The following GRB2 variants were observed in gnomAD, a reference collection of about 807,000 sequenced individuals.
GRB2 encodes growth factor receptor bound protein 2.
GRB2 carries 2 observed loss-of-function variants against 27.4 expected under a neutral mutation model. The observed-to-expected ratio is 0.07, with a 90% CI of 0.03 to 0.23. The LOEUF is 0.23. Among genes scored for constraint, GRB2 ranks in the 10% least tolerant of loss-of-function variants. GRB2 has a pLI of 1.00. For missense variants in GRB2, 102 were observed against 282.4 expected, an observed-to-expected ratio of 0.36 and a Z score of 4.58; for synonymous variants, 94 against 99.6, an observed-to-expected ratio of 0.94 and a Z score of 0.33.
intron 2 of GRB2, among the ~76,000 whole-genome samples, chr17:75,361,947 C>T (rs1004951544): frequency 6.6e-6 from 1 of 151,268 alleles, no homozygotes; most frequent in Non-Finnish European, 1.5e-5. Context: ...AGATTTTTTC[C>T]CTCATGTTTA....
chr17:75,350,756 T>G (rs1567863855), intron 2 of GRB2, among the ~76,000 whole-genome samples: 1 of 152,186 alleles, frequency 6.6e-6, no homozygotes, highest in Non-Finnish European at 1.5e-5. Context: ...CCTCCCAAAG[T>G]GCTGGGATTA....
At chr17:75,341,462 A>C (rs1204463798) in intron 2 of GRB2, among the ~76,000 whole-genome samples, 1 of 151,214 alleles carries the variant, frequency 6.6e-6, no homozygotes, top group African/African-American at 2.4e-5. Flanking sequence ...AAAAAAAAAA[A>C]AAAAAAACAC....
intron 2 of GRB2, among the ~76,000 whole-genome samples, chr17:75,377,462 T>C (rs1374520297): frequency 6.6e-6 from 1 of 150,444 alleles, no homozygotes; most frequent in Non-Finnish European, 1.5e-5. Context: ...TTCTACAAAA[T>C]ACAAAAAGTT....
At chr17:75,338,431 T>C (rs1326105962) in intron 2 of GRB2, among the ~76,000 whole-genome samples, 1 of 152,220 alleles carries the variant, frequency 6.6e-6, no homozygotes. Context: ...CACTGTGTCT[T>C]CACTTGCTTA....
rs924010971 is a variant in GRB2 at position 75,319,781 on chromosome 17, T to G, written c.*587A>C. Reference sequence around the variant, plus strand: ...GGAAGCCATGGAAGCAGAGACATGCTTTCCTTCTACCCTACTCTACTGTGA... The same window carrying G: ...GGAAGCCATGGAAGCAGAGACATGCGTTCCTTCTACCCTACTCTACTGTGA... On this transcript the variant is annotated 3_prime_UTR_variant, in exon 6 of 6. Transcript: ENST00000316804. 6.6e-6 allele frequency: 1 copy of G among 152,410 alleles called. No individual in the cohort carries two copies. The highest frequency in any genetic ancestry group is 1.5e-5 in the Non-Finnish European group (1 of 68,190). 9.4% of individuals were successfully genotyped at this position (152,410 alleles called of 1,614,324 possible). A position where few individuals can be genotyped will look rare whatever the true frequency, so the allele number is the denominator to read the frequency against.
chr17:75,397,844 TA>T (rs2079037853), intron 1 of GRB2, among the ~76,000 whole-genome samples: 1 of 151,646 alleles, frequency 6.6e-6, no homozygotes, highest in Non-Finnish European at 1.5e-5. Context: ...TTTATTTATT[TA>T]TTTATTTATT....
At chr17:75,345,153 C>G (rs2078646918) in intron 2 of GRB2, among the ~76,000 whole-genome samples, 1 of 152,134 alleles carries the variant, frequency 6.6e-6, no homozygotes. Context: ...TCCCATTCTC[C>G]TGCCTCAGCC....
At chr17:75,392,982 G>C (rs917625818) in intron 2 of GRB2, among the ~76,000 whole-genome samples, 1 of 152,152 alleles carries the variant, frequency 6.6e-6, no homozygotes, top group African/African-American at 2.4e-5. Context: ...TTGTACAATA[G>C]CAGGTTGCAC....
intron 2 of GRB2, among the ~76,000 whole-genome samples, chr17:75,356,955 A>G (rs111937165): frequency 6.6e-5 from 10 of 152,228 alleles, no homozygotes; most frequent in African/African-American, 2.4e-4. Flanking sequence ...TTCTCCATCT[A>G]CACTCATTCC....
At chr17:75,375,794 G>A (rs927285678) in intron 2 of GRB2, among the ~76,000 whole-genome samples, 4 of 152,264 alleles carry the variant, frequency 2.6e-5, no homozygotes, top group East Asian at 1.9e-4. Flanking sequence ...GGGAGGCAGA[G>A]GCAGGTGGAT....
In GRB2 at chr17:75,320,297, A is replaced by G. The variant is rs1342685227; in HGVS notation, c.*71T>C. On this transcript the variant is annotated 3_prime_UTR_variant, in exon 6 of 6. Transcript: ENST00000316804. The surrounding 1 kb of genome is among the most constrained non-coding windows in gnomAD (Gnocchi z 4.3). ...TCCCTCACAGGCTGCTGTCAGAGGC[A>G]GCTTGTGGGTTTAATTCTTTTGTAT... 7.5e-7 allele frequency: 1 copy of G among 1,333,312 alleles called. No homozygotes were observed. The highest frequency in any genetic ancestry group is 1.1e-6 in the Non-Finnish European group (1 of 930,892). The allele number at this position is 1,333,312 out of a possible 1,614,324, so 82.6% of individuals were successfully genotyped here.
chr17:75,380,749 T>C (rs2078922964), intron 2 of GRB2, among the ~76,000 whole-genome samples: 1 of 152,186 alleles, frequency 6.6e-6, no homozygotes. Flanking sequence ...AAAAAGGAAA[T>C]TAACCACTTA....
intron 3 of GRB2, 139 bp from the exon 4 acceptor site, chr17:75,326,159 A>G (rs1394130145): frequency 1.1e-6 from 1 of 945,544 alleles, no homozygotes. Context: ...CACAGTGCCC[A>G]AGATCGACAC....
intron 2 of GRB2, among the ~76,000 whole-genome samples, chr17:75,361,876 TAA>T (rs36010550): frequency 2.1e-5 from 3 of 142,798 alleles, no homozygotes; most frequent in African/African-American, 5.1e-5. Context: ...GTGTCTTTAT[TAA>T]AAAAAAAAAA....
At chr17:75,362,771 C>T (rs141336093) in intron 2 of GRB2, among the ~76,000 whole-genome samples, 687 of 152,290 alleles carry the variant, frequency 4.5e-3, no homozygotes, top group African/African-American at 0.016. Context: ...TGTGTGGGTA[C>T]CTAAGTACAA....
At chr17:75,384,971 C>T (rs1449795381) in intron 2 of GRB2, among the ~76,000 whole-genome samples, 2 of 126,148 alleles carry the variant, frequency 1.6e-5, no homozygotes, top group East Asian at 2.6e-4. Context: ...GCAGGCGGAT[C>T]GCTTGAGCCC....
intron 2 of GRB2, among the ~76,000 whole-genome samples, chr17:75,386,987 A>AACACAGTGAAACCCCTTCTCT (rs200620473): frequency 2.0e-5 from 3 of 151,478 alleles, no homozygotes; most frequent in African/African-American, 4.9e-5. Flanking sequence ...CATCCTGGCT[A>AACACAGTGAAACCCCTTCTCT]ACTAAAAACA....
At chr17:75,343,990 C>T (rs1159645306) in intron 2 of GRB2, among the ~76,000 whole-genome samples, 1 of 152,188 alleles carries the variant, frequency 6.6e-6, no homozygotes, top group Admixed American at 6.5e-5. Context: ...AATGGATACC[C>T]TTCCCAAGGA....
intron 2 of GRB2, among the ~76,000 whole-genome samples, chr17:75,367,662 A>C (rs2078828546): frequency 6.6e-6 from 1 of 152,242 alleles, no homozygotes; most frequent in Admixed American, 6.5e-5. Flanking sequence ...CAAAGATTCT[A>C]AACTATCCAC....
Sources: gnomAD v4.1 joint callset for allele counts (sites outside exome capture counted in the v4.1 genomes callset) on GRCh38, gnomAD v4.1.1 for gene constraint, Gnocchi (gnomAD v3.1) non-coding constraint, MANE v1.5 for transcripts, NCBI Gene and HGNC (gene_info 2026-07-23, HGNC 2026-07-21) for gene names.